The following NEDD4L variants were observed in gnomAD, a reference collection of about 807,000 sequenced individuals.
NEDD4L encodes the protein NEDD4 like E3 ubiquitin protein ligase, also known as E3 ubiquitin-protein ligase NEDD4-like.
Under a neutral mutation model 148.9 loss-of-function variants are expected in NEDD4L, and 54 were observed. The observed-to-expected ratio is 0.36, with a 90% CI of 0.29 to 0.45. The LOEUF (loss-of-function observed/expected upper bound fraction) is 0.45. Ranked by LOEUF, NEDD4L falls within the 20% of genes least tolerant of loss-of-function variation. The probability of loss-of-function intolerance (pLI) is 1.00; values close to 1 mark genes in which losing one functional copy is unlikely to be tolerated. For missense variants in NEDD4L, 856 were observed against 1,233.8 expected, an observed-to-expected ratio of 0.69 and a Z score of 4.59; for synonymous variants, 433 against 440.7, an observed-to-expected ratio of 0.98 and a Z score of 0.22.
chr18:58,112,468 A>G (rs1381599342), intron 1 of NEDD4L, among the ~76,000 whole-genome samples: 2 of 151,220 alleles, frequency 1.3e-5, no homozygotes, highest in African/African-American at 4.8e-5. Flanking sequence ...ATGTATATAT[A>G]TATAGAGAGA....
rs1042559415 is a variant in NEDD4L at position 58,338,231 on chromosome 18, C to G, written c.1125+2694C>G. Among the ~76,000 whole-genome samples the G allele has an allele frequency of 7.2e-5, 11 of 152,348 alleles. No individual in the cohort carries two copies. In the East Asian group the frequency reaches 1.5e-3, roughly 21 times the overall value. ...GAAATGTTAAACTAAGTCGCCATTT[C>G]TAACTGGTTTGATTACTTTTTTGTT... is the stretch of plus-strand genomic sequence containing the variant. On this transcript the variant is annotated intron_variant, in intron 13 of 30. Coordinates refer to ENST00000400345, the MANE Select transcript of NEDD4L (RefSeq NM_001144967.3).
chr18:58,350,176 C>T (rs1447903724), intron 17 of NEDD4L, among the ~76,000 whole-genome samples: 6 of 152,052 alleles, frequency 3.9e-5, no homozygotes, highest in African/African-American at 9.7e-5. Flanking sequence ...TTGAAAAAGC[C>T]GTAGGGGGTG....
At chr18:58,120,982 A>C (rs1343752771) in intron 1 of NEDD4L, among the ~76,000 whole-genome samples, 1 of 152,066 alleles carries the variant, frequency 6.6e-6, no homozygotes, top group Non-Finnish European at 1.5e-5. Context: ...TAGATTTATA[A>C]TAATTAAGTG....
At chr18:58,092,953 C>G (rs1229381941) in intron 1 of NEDD4L, among the ~76,000 whole-genome samples, 1 of 151,700 alleles carries the variant, frequency 6.6e-6, no homozygotes, top group Non-Finnish European at 1.5e-5. Flanking sequence ...CTCCGCCTCC[C>G]AAGTTCACGC....
At chr18:58,255,758 C>A in intron 5 of NEDD4L, 1 of 1,232,564 alleles carries the variant, frequency 8.1e-7, no homozygotes, top group South Asian at 4.1e-5. Flanking sequence ...CACCCTACCG[C>A]GGAGAAGCAG....
intron 1 of NEDD4L, among the ~76,000 whole-genome samples, chr18:58,101,021 G>C (rs973896474): frequency 6.6e-6 from 1 of 152,152 alleles, no homozygotes; most frequent in African/African-American, 2.4e-5. Flanking sequence ...GCCCAGGCTG[G>C]TTTCAAGGTC....
intron 5 of NEDD4L, among the ~76,000 whole-genome samples, chr18:58,309,772 G>A (rs2057473060): frequency 6.6e-6 from 1 of 152,082 alleles, no homozygotes; most frequent in South Asian, 2.1e-4. Flanking sequence ...TTGGTGTGGG[G>A]CAGAGAACTG....
intron 3 of NEDD4L, chr18:58,247,296 T>A (rs2047381728): frequency 1.3e-5 from 2 of 152,186 alleles, no homozygotes; most frequent in South Asian, 4.2e-4. Context: ...GCATTGGGAC[T>A]GGCATTAAAA....
intron 2 of NEDD4L, among the ~76,000 whole-genome samples, chr18:58,237,768 C>T (rs976589659): frequency 2.0e-5 from 3 of 152,180 alleles, no homozygotes; most frequent in African/African-American, 2.4e-5. Context: ...ATCATCAGAG[C>T]TGTGTATATA....
chr18:58,131,576 G>T (rs1568261716), intron 1 of NEDD4L, among the ~76,000 whole-genome samples: 4 of 151,274 alleles, frequency 2.6e-5, no homozygotes, highest in Non-Finnish European at 5.9e-5. Flanking sequence ...GTTGGATTTG[G>T]TTGGTTGTGA....
chr18:58,071,039 AACAC>A (rs112714314), intron 1 of NEDD4L, among the ~76,000 whole-genome samples: 2 of 151,420 alleles, frequency 1.3e-5, no homozygotes, highest in African/African-American at 4.9e-5. Context: ...AGGTTAAAAA[AACAC>A]ACACACACAC....
rs751368482 is a variant in NEDD4L, at chr18:58,387,419, G to GTT, written c.2488-9_2488-8dup. 482 of 1,122,568 alleles carry GTT rather than the reference G, an allele frequency of 4.3e-4. No individual in the cohort carries two copies. The highest frequency in any genetic ancestry group is 1.6e-3 in the South Asian group (94 of 58,110). The allele number at this position is 1,122,568 out of a possible 1,614,324, so 69.5% of individuals were successfully genotyped here. On this transcript the variant is annotated intron_variant, in intron 26 of 30. Coordinates refer to ENST00000400345, the MANE Select transcript of NEDD4L (RefSeq NM_001144967.3). ...TTTGAAGGCAATAGGTGTTTAAGAT[G>GTT]TTTTTTTTTTTTCTTTCAGGGATTC...
chr18:58,308,828 G>T (rs1051117781), intron 5 of NEDD4L, among the ~76,000 whole-genome samples: 2 of 152,202 alleles, frequency 1.3e-5, no homozygotes, highest in African/African-American at 2.4e-5. Flanking sequence ...CTCCTGATGG[G>T]CACTGCACTG....
At chr18:58,062,793 C>T (rs537357627) in intron 1 of NEDD4L, among the ~76,000 whole-genome samples, 1 of 152,218 alleles carries the variant, frequency 6.6e-6, no homozygotes, top group East Asian at 1.9e-4. Context: ...TTGAGACCAT[C>T]TTGGCTAACA....
chr18:58,302,404 C>CT (rs2056594234), intron 5 of NEDD4L, among the ~76,000 whole-genome samples: 1 of 152,204 alleles, frequency 6.6e-6, no homozygotes, highest in Non-Finnish European at 1.5e-5. Flanking sequence ...TTCCATCCCA[C>CT]TTTTTTTAAA....
At chr18:58,191,394 G>A (rs930504665) in intron 2 of NEDD4L, among the ~76,000 whole-genome samples, 1 of 152,132 alleles carries the variant, frequency 6.6e-6, no homozygotes, top group African/African-American at 2.4e-5. Context: ...TCAGAATTGT[G>A]TTACAGTCGG....
At chr18:58,187,190 T>C (rs1257963417) in intron 2 of NEDD4L, among the ~76,000 whole-genome samples, 1 of 152,180 alleles carries the variant, frequency 6.6e-6, no homozygotes, top group Non-Finnish European at 1.5e-5. Context: ...TTCCAGTCTT[T>C]GTTGGCCAGC....
rs2050789014 is a variant in NEDD4L at position 58,400,640 on chromosome 18, C to A, written c.*4371C>A. ...AGCAACGCATGTTTCAAAGGCACGT[C>A]TTTCCGTTCGTTGGTTTTCTGTGTG... On this transcript the variant is annotated 3_prime_UTR_variant, in exon 31 of 31. Transcript: ENST00000400345. 1 of 152,244 alleles carries A rather than the reference C, an allele frequency of 6.6e-6. No homozygotes were observed. The allele number at this position is 152,244 out of a possible 1,614,324, so 9.4% of individuals were successfully genotyped here.
intron 1 of NEDD4L, among the ~76,000 whole-genome samples, chr18:58,142,740 T>C (rs903920696): frequency 6.6e-6 from 1 of 152,268 alleles, no homozygotes; most frequent in African/African-American, 2.4e-5. Flanking sequence ...AGGCCCAGAC[T>C]GTGAAGACTC....
Sources: gnomAD v4.1 joint callset for allele counts (sites outside exome capture counted in the v4.1 genomes callset) on GRCh38, gnomAD v4.1.1 for gene constraint, MANE v1.5 for transcripts, NCBI Gene and HGNC (gene_info 2026-07-23, HGNC 2026-07-21) for gene names.